MED12L: variants seen among roughly 807,000 people sequenced by gnomAD.
The protein encoded by MED12L is mediator complex subunit 12L, also known as mediator of RNA polymerase II transcription subunit 12-like protein.
A neutral mutation model predicts 281.3 loss-of-function variants in MED12L; 60 were observed. The ratio of observed to expected loss-of-function variants is 0.21; its 90% CI spans 0.17 to 0.26. MED12L has a LOEUF of 0.26. Among genes scored for constraint, MED12L ranks in the 10% least tolerant of loss-of-function variants. The probability of loss-of-function intolerance (pLI) is 1.00; values close to 1 mark genes in which losing one functional copy is unlikely to be tolerated. For synonymous variants in MED12L, 974 were observed against 987.2 expected (o/e 0.99, Z 0.25); for missense variants, 2,146 against 2,680.9 (o/e 0.80, Z 4.41).
At position 151,413,170 on chromosome 3, in the gene MED12L, C is replaced by T. The variant is rs1258755655; in HGVS notation, c.6172C>T (p.Leu2058=). The T allele has an allele frequency of 6.2e-7, 1 of 1,614,148 alleles. No individual in the cohort carries two copies. The highest frequency in any genetic ancestry group is 8.5e-7 in the Non-Finnish European group (1 of 1,179,962). Residue 2058 remains leucine (L), a synonymous_variant, in exon 42 of 45, where the codon CTG becomes TTG. Coordinates refer to ENST00000687756, the MANE Select transcript of MED12L (RefSeq NM_001393769.1). ...CCATCAGGCTCTACAGCAGAGCCCT[C>T]TGGTGGGCGGGGGAATTGATGCTGT... ...LNHQALQQSP[L]VGGGIDAVLT... is the part of the protein sequence containing the mutation.
chr3:151,328,728 G>T, intron 16 of MED12L: 11 of 1,614,066 alleles, frequency 6.8e-6, no homozygotes, highest in Non-Finnish European at 9.3e-6. Flanking sequence ...GCTCTGAGCT[G>T]CCAGGGTGCC....
At position 151,304,498 on chromosome 3, in the gene MED12L, C is replaced by T. The variant is rs1039632073; in HGVS notation, c.2251-45561C>T. ...CTGAGGCAGGAGAATCGCTTGAACCCGGGAGACCTTGCAGTGAGCCGAGGT... is the reference window on the plus strand; with the variant it reads ...CTGAGGCAGGAGAATCGCTTGAACCTGGGAGACCTTGCAGTGAGCCGAGGT... On this transcript the variant is annotated intron_variant, in intron 16 of 44. Coordinates refer to ENST00000687756, the MANE Select transcript of MED12L (RefSeq NM_001393769.1). Among the ~76,000 whole-genome samples the T allele has an allele frequency of 4.6e-5, 7 of 151,908 alleles. No individual in the cohort carries two copies. The South Asian group carries it at 8.3e-4, about 18-fold the overall frequency.
chr3:151,319,591 T>A (rs1748750696), intron 16 of MED12L, among the ~76,000 whole-genome samples: 1 of 152,018 alleles, frequency 6.6e-6, no homozygotes, highest in African/African-American at 2.4e-5. Context: ...TTAAAGGTAT[T>A]AAGACTACAA....
intron 2 of MED12L, among the ~76,000 whole-genome samples, chr3:151,088,356 C>G (rs1255160896): frequency 1.3e-5 from 2 of 152,118 alleles, no homozygotes; most frequent in African/African-American, 2.4e-5. Flanking sequence ...TTACCCCACC[C>G]TGCTACCCCA....
At chr3:151,294,395 A>G (rs1744766588) in intron 16 of MED12L, 1 of 1,614,020 alleles carries the variant, frequency 6.2e-7, no homozygotes, top group Non-Finnish European at 8.5e-7. Context: ...AGATTCATCT[A>G]AAAGCCTGTC....
At chr3:151,362,585 G>A (rs1754747585) in intron 21 of MED12L, among the ~76,000 whole-genome samples, 1 of 152,008 alleles carries the variant, frequency 6.6e-6, no homozygotes, top group Admixed American at 6.6e-5. Context: ...TACCCCCACT[G>A]TAGATTCTAT....
Position 151,127,888 on chromosome 3 carries a change from G to A in MED12L, c.460G>A (p.Val154Ile). Residue 154 changes from valine to isoleucine, a missense_variant, in exon 5 of 45, where the codon GTT becomes ATT. Transcript: ENST00000687756. Reference sequence around the variant, plus strand: ...TTTAGCTAAATATTCTGTGCCAATGGTTCGAGCAACGTGGCTGATCAAGAT... The same window carrying A: ...TTTAGCTAAATATTCTGTGCCAATGATTCGAGCAACGTGGCTGATCAAGAT... ...AYLAKYSVPM[V>I]RATWLIKMTC... The A allele has an allele frequency of 3.1e-6, 5 of 1,613,752 alleles. No homozygotes were observed. The highest frequency in any genetic ancestry group is 1.3e-5 in the African/African-American group (1 of 75,020).
chr3:151,404,534 C>T (rs1716064860), intron 39 of MED12L, among the ~76,000 whole-genome samples: 1 of 152,218 alleles, frequency 6.6e-6, no homozygotes, highest in African/African-American at 2.4e-5. Flanking sequence ...CTGGTTCATA[C>T]CATGTGGTGT....
chr3:151,435,898 A>G lies in MED12L; in HGVS notation c.*3094A>G, dbSNP rs1048833103. 9.9e-5 allele frequency: 15 copies of G among 152,212 alleles called. No homozygotes were observed. The highest frequency in any genetic ancestry group is 3.6e-4 in the African/African-American group (15 of 41,460). 9.4% of individuals were successfully genotyped at this position (152,212 alleles called of 1,614,324 possible). A position where few individuals can be genotyped will look rare whatever the true frequency, so the allele number is the denominator to read the frequency against. On this transcript the variant is annotated 3_prime_UTR_variant, in exon 45 of 45. Coordinates refer to ENST00000687756, the MANE Select transcript of MED12L (RefSeq NM_001393769.1). The stretch of plus-strand genomic sequence containing the variant: ...AGAATTAATGAAATGAAATGCTTAT[A>G]GAGCAACGATTCCTGCTCAGAAAAA...
chr3:151,388,961 T>A (rs1713824935), intron 37 of MED12L, among the ~76,000 whole-genome samples: 1 of 152,248 alleles, frequency 6.6e-6, no homozygotes, highest in Non-Finnish European at 1.5e-5. Flanking sequence ...GAAGAAATAT[T>A]CACCATTTCA....
At chr3:151,373,056 G>A (rs1756385676) in intron 27 of MED12L, among the ~76,000 whole-genome samples, 2 of 152,122 alleles carry the variant, frequency 1.3e-5, no homozygotes, top group Non-Finnish European at 2.9e-5. Context: ...AGAGTAGATT[G>A]TATATTTTAT....
intron 5 of MED12L, 151 bp downstream of exon 5, chr3:151,128,135 C>A: frequency 4.9e-6 from 3 of 618,044 alleles, no homozygotes; most frequent in East Asian, 5.8e-5. Context: ...GCAGCTGTTC[C>A]TAGTTCACTC....
chr3:151,160,088 G>A lies in MED12L; in HGVS notation c.1094G>A (p.Ser365Asn). Reference sequence around the variant, plus strand: ...CATGGTCCCCTGGTTTATGGACTTAGTTGTATGTTGCAGGTAAGTCCTTGG... The same window carrying A: ...CATGGTCCCCTGGTTTATGGACTTAATTGTATGTTGCAGGTAAGTCCTTGG... ...AQHGPLVYGL[S>N]CMLQTVTLCC... Residue 365 changes from serine to asparagine, a missense_variant, in exon 8 of 45, where the codon AGT becomes AAT. By Grantham distance (46) the Ser-to-Asn change is conservative. Around this residue, in one of 9 missense-constraint regions of MED12L, gnomAD observed 722 missense variants for 861.2 expected, o/e 0.84. Coordinates refer to ENST00000687756, the MANE Select transcript of MED12L (RefSeq NM_001393769.1). 6.3e-7 allele frequency: 1 copy of A among 1,598,448 alleles called. No individual in the cohort carries two copies.
chr3:151,306,731 A>G (rs1746715536), intron 16 of MED12L, among the ~76,000 whole-genome samples: 1 of 152,208 alleles, frequency 6.6e-6, no homozygotes, highest in Non-Finnish European at 1.5e-5. Context: ...TGCCATGGCA[A>G]TGCTTTAACT....
intron 2 of MED12L, among the ~76,000 whole-genome samples, chr3:151,095,539 T>C (rs532027845): frequency 6.6e-6 from 1 of 152,288 alleles, no homozygotes; most frequent in East Asian, 1.9e-4. Flanking sequence ...ACTTTCGCCA[T>C]GTTGGCCAAG....
Position 151,156,154 on chromosome 3 carries a change from A to T in MED12L, c.557-7A>T. 1 of 1,579,090 alleles carries T rather than the reference A, an allele frequency of 6.3e-7. No homozygotes were observed. Among genetic ancestry groups the T allele is most frequent in the Admixed American group, 2.0e-5 (1 of 51,196 alleles). On this transcript the variant is annotated splice_region_variant and splice_polypyrimidine_tract_variant and intron_variant, in intron 5 of 44. Transcript: ENST00000687756. ...GAAACTCATATTTTTCTTTTTTTAA[A>T]ATGCAGAGTGGACACAGATATCTAC...
intron 16 of MED12L, among the ~76,000 whole-genome samples, chr3:151,265,421 A>G (rs1739652443): frequency 6.6e-6 from 1 of 152,132 alleles, no homozygotes; most frequent in African/African-American, 2.4e-5. Context: ...TTTTTTGAGT[A>G]TCATTATCTT....
chr3:151,243,307 A>G (rs1734624926), intron 16 of MED12L, among the ~76,000 whole-genome samples: 1 of 151,488 alleles, frequency 6.6e-6, no homozygotes, highest in Admixed American at 6.6e-5. Flanking sequence ...TCCAAGACAC[A>G]TAATTGTCAG....
chr3:151,435,245 T>A lies in MED12L; in HGVS notation c.*2441T>A, dbSNP rs1720010655. Reference sequence around the variant, plus strand: ...GACCTTGAAATCAAATGGAGTCAGCTATACCTATCAATCAATCACAGTTCT... The same window carrying A: ...GACCTTGAAATCAAATGGAGTCAGCAATACCTATCAATCAATCACAGTTCT... On this transcript the variant is annotated 3_prime_UTR_variant, in exon 45 of 45. Transcript: ENST00000687756. 1 of 41,112 alleles carries A rather than the reference T, an allele frequency of 2.4e-5. No individual in the cohort carries two copies. Among genetic ancestry groups the A allele is most frequent in the Non-Finnish European group, 4.7e-5 (1 of 21,068 alleles). The allele number at this position is 41,112 out of a possible 1,614,324, so 2.5% of individuals were successfully genotyped here.
Sources: allele counts gnomAD v4.1 joint callset (sites outside exome capture counted in the v4.1 genomes callset), GRCh38; gene constraint gnomAD v4.1.1; regional missense constraint gnomAD v4.1.1; transcripts MANE v1.5; gene names NCBI Gene and HGNC (gene_info 2026-07-23, HGNC 2026-07-21).